Variants in TTC16 observed in about 807,000 individuals in gnomAD.
TTC16 encodes tetratricopeptide repeat domain 16.
A neutral mutation model predicts 80.4 loss-of-function variants in TTC16; 66 were observed. The ratio of observed to expected loss-of-function variants is 0.82; its 90% CI spans 0.67 to 1.01. TTC16 has a LOEUF of 1.01. Among genes scored for constraint, TTC16 ranks in the 50% least tolerant of loss-of-function variants. The pLI is 0.00. For synonymous variants in TTC16, 438 were observed against 451.3 expected (o/e 0.97, Z 0.37); for missense variants, 1,070 against 1,103.2 (o/e 0.97, Z 0.43).
Position 127,724,319 on chromosome 9 carries a change from C to A in TTC16, c.1072C>A (p.Leu358Ile). The A allele has an allele frequency of 6.2e-7, 1 of 1,612,910 alleles. No homozygotes were observed. The highest frequency in any genetic ancestry group is 8.5e-7 in the Non-Finnish European group (1 of 1,179,970). The part of the protein sequence containing the change: ...QEGVLLLNKA[L>I]RDEQQEKGLY... ...GGGCGTGCTGCTGCTGAACAAGGCCCTCCGGGACGAGCAGCAGGAGAAAGG... is the reference window on the plus strand; with the variant it reads ...GGGCGTGCTGCTGCTGAACAAGGCCATCCGGGACGAGCAGCAGGAGAAAGG... Residue 358 changes from leucine to isoleucine, a missense_variant, in exon 8 of 14, where the codon CTC (leucine) becomes ATC (isoleucine). Physicochemically the swap from Leu to Ile is conservative, Grantham distance 5. Coordinates refer to ENST00000373289, the MANE Select transcript of TTC16 (RefSeq NM_144965.3).
intron 1 of TTC16, chr9:127,716,617 C>A: frequency 1.7e-6 from 1 of 599,572 alleles, no homozygotes; most frequent in Non-Finnish European, 2.9e-6. Context: ...GGACCCTGAT[C>A]CCTGACCTTG....
intron 8 of TTC16, 88 bp downstream of exon 8, chr9:127,724,452 G>A (rs781056862): frequency 1.6e-5 from 24 of 1,517,606 alleles, no homozygotes; most frequent in Non-Finnish European, 2.1e-5. Flanking sequence ...AGGCCCCTGG[G>A]GGGAAGGAGG....
In TTC16 at chr9:127,726,259, A is replaced by C; in HGVS notation, c.1280A>C (p.Asn427Thr). The C allele has an allele frequency of 6.3e-7, 1 of 1,597,542 alleles. No individual in the cohort carries two copies. Among genetic ancestry groups the C allele is most frequent in the Non-Finnish European group, 8.6e-7 (1 of 1,169,066 alleles). ...QRRKQFQKAE[N>T]HFSTAIRHNP... ...TGCAGGCAGTTCCAGAAGGCAGAGA[A>C]CCACTTCTCCACGGCCATCCGGCAC... Residue 427 changes from asparagine (N) to threonine (T), a missense_variant, in exon 10 of 14, where the codon AAC (asparagine) becomes ACC (threonine). Coordinates refer to ENST00000373289, the MANE Select transcript of TTC16 (RefSeq NM_144965.3).
At chr9:127,726,115 G>C in intron 9 of TTC16, 124 bp from the exon 10 acceptor site, 1 of 658,616 alleles carries the variant, frequency 1.5e-6, no homozygotes, top group East Asian at 3.1e-5. Context: ...GAGAGGAGAG[G>C]GGCGTGGTGA....
chr9:127,716,474 GGGAC>G (rs936407923), intron 1 of TTC16: 1 of 550,762 alleles, frequency 1.8e-6, no homozygotes, highest in African/African-American at 1.9e-5. Flanking sequence ...GGTTACCCAA[GGGAC>G]TGTAGGACCC....
In TTC16 at chr9:127,720,310, C is replaced by T. The variant is rs762845145; in HGVS notation, c.572C>T (p.Thr191Met). ...LALKQHQACL[T>M]LITNELKQDT... ...CTCAAGCAGCATCAGGCCTGCCTCA[C>T]GCTCATCACCAACGAGCTGAAGCAG... Residue 191 changes from threonine to methionine, a missense_variant, in exon 6 of 14, where the codon ACG (threonine) becomes ATG (methionine). Transcript: ENST00000373289. 11 of 1,613,370 alleles carry T rather than the reference C, an allele frequency of 6.8e-6. No homozygotes were observed. Among genetic ancestry groups the T allele is most frequent in the Admixed American group, 1.7e-5 (1 of 60,004 alleles).
chr9:127,729,360 A>G, intron 12 of TTC16: 1 of 526,486 alleles, frequency 1.9e-6, no homozygotes, highest in Admixed American at 3.4e-5. Flanking sequence ...CAGCTCCTTC[A>G]ACACAACCGT....
At chr9:127,725,662 C>T (rs977333258) in intron 9 of TTC16, among the ~76,000 whole-genome samples, 2 of 151,280 alleles carry the variant, frequency 1.3e-5, no homozygotes, top group Admixed American at 1.3e-4. Context: ...TGTAATGGCG[C>T]CATCTCAGCT....
Position 127,716,115 on chromosome 9 carries a change from G to C in TTC16, c.-31G>C. ...GGCCAGGGCCGCGAGGTAGTTGGCA[G>C]AGGCCTCGGGGTCCTCCTGGAAGGG... On this transcript the variant is annotated 5_prime_UTR_variant, in exon 1 of 14. Coordinates refer to ENST00000373289, the MANE Select transcript of TTC16 (RefSeq NM_144965.3). 1 of 1,613,930 alleles carries C rather than the reference G, an allele frequency of 6.2e-7. No individual in the cohort carries two copies. Among genetic ancestry groups the C allele is most frequent in the Non-Finnish European group, 8.5e-7 (1 of 1,180,010 alleles).
chr9:127,724,413 C>A, intron 8 of TTC16, 49 bp downstream of exon 8: 1 of 1,601,284 alleles, frequency 6.2e-7, no homozygotes, highest in Non-Finnish European at 8.5e-7. Flanking sequence ...GGGAGCCTCG[C>A]CATCTCTAAG....
chr9:127,729,805 C>G (rs1265094867), intron 13 of TTC16, 137 bp downstream of exon 13: 10 of 730,140 alleles, frequency 1.4e-5, no homozygotes, highest in Non-Finnish European at 2.1e-5. Flanking sequence ...GCGAGTGGCT[C>G]TAGAGCGGGA....
chr9:127,719,677 G>C (rs1187075804), intron 4 of TTC16, among the ~76,000 whole-genome samples: 1 of 152,194 alleles, frequency 6.6e-6, no homozygotes, highest in East Asian at 1.9e-4. Flanking sequence ...ATTTTTAGTA[G>C]AGATGGGGTT....
rs752831064 is a variant in TTC16 at position 127,716,128 on chromosome 9, C to T, written c.-18C>T. Reference sequence around the variant, plus strand: ...AGGTAGTTGGCAGAGGCCTCGGGGTCCTCCTGGAAGGGGCCTCATGACAGA... The same window carrying T: ...AGGTAGTTGGCAGAGGCCTCGGGGTTCTCCTGGAAGGGGCCTCATGACAGA... On this transcript the variant is annotated 5_prime_UTR_variant, in exon 1 of 14. Transcript: ENST00000373289. The T allele has an allele frequency of 6.2e-7, 1 of 1,613,956 alleles. No individual in the cohort carries two copies. Among genetic ancestry groups the T allele is most frequent in the Admixed American group, 1.7e-5 (1 of 60,034 alleles).
intron 7 of TTC16, 148 bp from the exon 8 acceptor site, chr9:127,723,972 A>G: frequency 8.6e-7 from 1 of 1,163,934 alleles, no homozygotes; most frequent in Non-Finnish European, 1.2e-6. Context: ...GCCCCACGGG[A>G]CAAACCTAGC....
Position 127,726,412 on chromosome 9 carries a change from C to T in TTC16, c.1425+8C>T, listed in dbSNP as rs951488086. 1 of 1,585,250 alleles carries T rather than the reference C, an allele frequency of 6.3e-7. No individual in the cohort carries two copies. Among genetic ancestry groups the T allele is most frequent in the South Asian group, 1.1e-5 (1 of 88,782 alleles). ...AACCCCAAGCAACCAAAGGTAGGTTCCTGCCACGTCAGGAGTGTAGGCTCC... is the reference window on the plus strand; with the variant it reads ...AACCCCAAGCAACCAAAGGTAGGTTTCTGCCACGTCAGGAGTGTAGGCTCC... On this transcript the variant is annotated splice_region_variant and intron_variant, in intron 10 of 13. Coordinates refer to ENST00000373289, the MANE Select transcript of TTC16 (RefSeq NM_144965.3).
chr9:127,726,305 C>G lies in TTC16; in HGVS notation c.1326C>G (p.Tyr442Ter). Residue 442 changes from tyrosine to a stop codon, truncating the protein, a stop_gained, in exon 10 of 14, where the codon TAC (tyrosine) becomes TAG (stop). Transcript: ENST00000373289. LOFTEE classifies it high-confidence loss of function. ...AIRHNPQKAQ[Y>*]YLYRAKSRQL... ...GGCACAACCCCCAGAAGGCCCAGTA[C>G]TACCTGTACCGGGCCAAGAGCCGGC... The G allele has an allele frequency of 1.9e-6, 3 of 1,612,044 alleles. No individual in the cohort carries two copies. The highest frequency in any genetic ancestry group is 1.7e-6 in the Non-Finnish European group (2 of 1,179,218).
At position 127,724,126 on chromosome 9, in the gene TTC16, C is replaced by T. The variant is rs1216989757; in HGVS notation, c.879C>T (p.Thr293=). 1 of 1,610,016 alleles carries T rather than the reference C, an allele frequency of 6.2e-7. No homozygotes were observed. The highest frequency in any genetic ancestry group is 1.7e-5 in the Admixed American group (1 of 59,840). Residue 293 remains threonine, a synonymous_variant, in exon 8 of 14, where the codon ACC becomes ACT. Coordinates refer to ENST00000373289, the MANE Select transcript of TTC16 (RefSeq NM_144965.3). ...LDPSLFLFRG[T]MYRRLQEFDG... ...CCCACGCCCCCCCCGACAGGGGCAC[C>T]ATGTACCGACGGCTCCAGGAGTTCG...
Position 127,723,084 on chromosome 9 carries a change from T to C in TTC16, c.658-35T>C, listed in dbSNP as rs7027128. 4.2e-3 allele frequency: 6,798 copies of C among 1,600,288 alleles called. 260 individuals carry two copies. In the African/African-American group the frequency reaches 0.08, roughly 19 times the overall value. ...CCTCTAGGTCCCGTGGCTCAGTTGGTCTGTGCCCCTGATGCCACCCATGGC... is the reference window on the plus strand; with the variant it reads ...CCTCTAGGTCCCGTGGCTCAGTTGGCCTGTGCCCCTGATGCCACCCATGGC... On this transcript the variant is annotated intron_variant, in intron 6 of 13. Coordinates refer to ENST00000373289, the MANE Select transcript of TTC16 (RefSeq NM_144965.3).
At position 127,724,292 on chromosome 9, in the gene TTC16, G is replaced by A. The variant is rs569019261; in HGVS notation, c.1045G>A (p.Glu349Lys). The change falls in exon 8 of 14, where the codon GAG becomes AAG. Residue 349 changes from glutamate (E) to lysine (K), a missense_variant. By Grantham distance (56) the Glu-to-Lys change is moderately conservative. Transcript: ENST00000373289. The stretch of plus-strand genomic sequence containing the variant: ...CTGCTACAGGCAGGGCGCCTACCAG[G>A]AGGGCGTGCTGCTGCTGAACAAGGC... ...VHCYRQGAYQEGVLLLNKALR... is the reference protein window; with the variant it reads ...VHCYRQGAYQKGVLLLNKALR... 6.2e-7 allele frequency: 1 copy of A among 1,613,014 alleles called. No individual in the cohort carries two copies. Among genetic ancestry groups the A allele is most frequent in the African/African-American group, 1.3e-5 (1 of 75,068 alleles).
Sources: allele counts gnomAD v4.1 joint callset (sites outside exome capture counted in the v4.1 genomes callset), GRCh38; gene constraint gnomAD v4.1.1; transcripts MANE v1.5; gene names NCBI Gene and HGNC (gene_info 2026-07-23, HGNC 2026-07-21).